Variants in CUX1 observed in about 807,000 individuals in gnomAD.
CUX1 encodes protein CASP.
A neutral mutation model predicts 158.8 loss-of-function variants in CUX1; 31 were observed. That is an observed-to-expected ratio of 0.20 (90% CI 0.15 to 0.26). CUX1 has a LOEUF of 0.26. Ranked by LOEUF, CUX1 falls within the 10% of genes least tolerant of loss-of-function variation. CUX1 has a pLI of 1.00. For synonymous variants in CUX1, 879 were observed against 862.1 expected (o/e 1.02, Z -0.34); for missense variants, 1,589 against 2,014.6 (o/e 0.79, Z 4.04).
chr7:102,160,570 G>A (rs537984776), intron 9 of CUX1, among the ~76,000 whole-genome samples: 2 of 152,094 alleles, frequency 1.3e-5, no homozygotes, highest in East Asian at 1.9e-4. Flanking sequence ...TTCCTAACTC[G>A]GTATTTCCTG....
chr7:101,890,172 G>A (rs996843185), intron 1 of CUX1, among the ~76,000 whole-genome samples: 12 of 152,168 alleles, frequency 7.9e-5, no homozygotes, highest in African/African-American at 2.9e-4. Context: ...TGGGATAATC[G>A]GTGTCTTGGC....
chr7:102,045,819 G>A (rs1822708892), intron 3 of CUX1, among the ~76,000 whole-genome samples: 1 of 152,150 alleles, frequency 6.6e-6, no homozygotes, highest in African/African-American at 2.4e-5. Context: ...TTTACAGCTC[G>A]AACTCGGGCA....
chr7:101,841,548 T>TTTA (rs1562914947), intron 1 of CUX1, among the ~76,000 whole-genome samples: 1 of 151,480 alleles, frequency 6.6e-6, no homozygotes, highest in East Asian at 1.9e-4. Context: ...TTTTATTTCA[T>TTTA]TTTATTTATT....
chr7:102,061,340 A>G (rs887795490), intron 3 of CUX1, among the ~76,000 whole-genome samples: 1 of 152,148 alleles, frequency 6.6e-6, no homozygotes, highest in African/African-American at 2.4e-5. Context: ...TCCATTGACC[A>G]TGTGGCCCCC....
intron 1 of CUX1, among the ~76,000 whole-genome samples, chr7:101,901,723 C>T (rs965123064): frequency 1.6e-4 from 25 of 152,304 alleles, no homozygotes; most frequent in Middle Eastern, 3.4e-3. Context: ...TGTTTTGTTC[C>T]CCAGCAGCCC....
At chr7:102,108,736 T>TTGTGTGTGTGTGTG (rs10527026) in intron 6 of CUX1, among the ~76,000 whole-genome samples, 6,410 of 144,984 alleles carry the variant, frequency 0.044, 162 homozygotes, top group Middle Eastern at 0.095. Context: ...TTCATTCATT[T>TTGTGTGTGTGTGTG]TGTGTGTGTG....
intron 20 of CUX1, among the ~76,000 whole-genome samples, chr7:102,205,592 G>C (rs868988825): frequency 1.3e-5 from 2 of 152,170 alleles, no homozygotes; most frequent in African/African-American, 4.8e-5. Flanking sequence ...AGAAAATGGG[G>C]AGCTTTGAGC....
intron 2 of CUX1, among the ~76,000 whole-genome samples, chr7:102,005,253 G>A (rs890660872): frequency 1.3e-5 from 2 of 152,212 alleles, no homozygotes; most frequent in East Asian, 1.9e-4. Context: ...TGGGCCGGGC[G>A]CGGTGGCTCA....
intron 2 of CUX1, among the ~76,000 whole-genome samples, chr7:101,966,186 C>A (rs187948254): frequency 2.6e-5 from 4 of 152,176 alleles, no homozygotes; most frequent in Admixed American, 2.6e-4. Context: ...TTGCCCCAAC[C>A]TCCCAAGTAG....
chr7:102,079,353 G>A (rs537181370), intron 4 of CUX1, among the ~76,000 whole-genome samples: 15 of 151,914 alleles, frequency 9.9e-5, no homozygotes, highest in Middle Eastern at 3.4e-3. Flanking sequence ...CACGAGAATC[G>A]CTTGAACCTG....
At position 102,255,303 on chromosome 7, in the gene CUX1, A is replaced by T; in HGVS notation, c.*6261A>T. On this transcript the variant is annotated 3_prime_UTR_variant, in exon 24 of 24. Coordinates refer to ENST00000292535, the MANE Select transcript of CUX1 (RefSeq NM_181552.4). ...TTCATTTTTGGATGAAGTGACATTT[A>T]GCTTTAACAAGACATTTCCAAAGCG... The T allele has an allele frequency of 1.0e-6, 1 of 984,636 alleles. No homozygotes were observed. The highest frequency in any genetic ancestry group is 1.2e-6 in the Non-Finnish European group (1 of 829,872). 61.0% of individuals were successfully genotyped at this position (984,636 alleles called of 1,614,324 possible).
upstream of CUX1, chr7:101,817,018 C>G (rs1371735241): frequency 5.1e-6 from 5 of 984,396 alleles, no homozygotes. The surrounding 1 kb of genome is among the most constrained non-coding windows in gnomAD (Gnocchi z 4.1). Context: ...TGACGCGGAC[C>G]TGTTCCTCCG....
chr7:101,911,921 A>C lies in CUX1; in HGVS notation c.31-4194A>C, dbSNP rs560291572. On this transcript the variant is annotated intron_variant, in intron 1 of 23. Coordinates refer to ENST00000292535, the MANE Select transcript of CUX1 (RefSeq NM_181552.4). The stretch of plus-strand genomic sequence containing the variant: ...CATCCTGTGATCTCTTAGAAAGATA[A>C]AAACACATTTTCTGCGTTCTGGTGC... Among the ~76,000 whole-genome samples the C allele has an allele frequency of 3.3e-5, 5 of 152,306 alleles. No homozygotes were observed. The South Asian group carries it at 1.0e-3, about 32-fold the overall frequency.
At chr7:101,827,038 A>G (rs1235154999) in intron 1 of CUX1, among the ~76,000 whole-genome samples, 1 of 152,152 alleles carries the variant, frequency 6.6e-6, no homozygotes, top group Non-Finnish European at 1.5e-5. Flanking sequence ...TTTCAGTCCC[A>G]TTAATTATCT....
chr7:101,858,683 T>G (rs1797137215), intron 1 of CUX1, among the ~76,000 whole-genome samples: 2 of 147,226 alleles, frequency 1.4e-5, no homozygotes, highest in South Asian at 4.3e-4. Context: ...TTTTTTTTTT[T>G]GAGATGGCGT....
At chr7:102,172,352 G>A (rs1026591395) in intron 10 of CUX1, among the ~76,000 whole-genome samples, 2 of 152,048 alleles carry the variant, frequency 1.3e-5, no homozygotes, top group African/African-American at 4.8e-5. Flanking sequence ...AAAGTGCTGG[G>A]GTTACAGGCA....
At chr7:101,955,587 G>T (rs1202708625) in intron 2 of CUX1, among the ~76,000 whole-genome samples, 1 of 152,168 alleles carries the variant, frequency 6.6e-6, no homozygotes, top group Non-Finnish European at 1.5e-5. Flanking sequence ...GGAACGCACA[G>T]CTGGGGCCCC....
At chr7:101,837,299 T>G (rs115409782) in intron 1 of CUX1, among the ~76,000 whole-genome samples, 12 of 152,344 alleles carry the variant, frequency 7.9e-5, no homozygotes, top group African/African-American at 2.9e-4. Flanking sequence ...ATGGTTAATA[T>G]TCACTAAAGT....
chr7:102,079,415 G>A (rs1248501415), intron 4 of CUX1, among the ~76,000 whole-genome samples: 1 of 150,818 alleles, frequency 6.6e-6, no homozygotes, highest in African/African-American at 2.5e-5. Flanking sequence ...TTTAGCCTGG[G>A]CAACAGAGTG....
Sources: gnomAD v4.1 joint callset for allele counts (sites outside exome capture counted in the v4.1 genomes callset) on GRCh38, gnomAD v4.1.1 for gene constraint, Gnocchi (gnomAD v3.1) non-coding constraint, MANE v1.5 for transcripts, NCBI Gene and HGNC (gene_info 2026-07-23, HGNC 2026-07-21) for gene names.